Variants in CCDC93 observed in about 807,000 individuals in gnomAD.
CCDC93 encodes the protein CCC complex scaffolding subunit CCDC93.
CCDC93 carries 61 observed loss-of-function variants against 108.2 expected under a neutral mutation model. The observed-to-expected ratio is 0.56, with a 90% CI of 0.46 to 0.70. CCDC93 has a LOEUF of 0.70. CCDC93 is among the 30% of genes least tolerant of loss of function. CCDC93 has a pLI of 0.00. For missense variants in CCDC93, 685 were observed against 764.2 expected (o/e 0.90, Z 1.22); for synonymous variants, 276 against 260.4 (o/e 1.06, Z -0.58).
At chr2:117,971,336 C>A (rs889900) in intron 11 of CCDC93, among the ~76,000 whole-genome samples, 59,551 of 152,018 alleles carry the variant, frequency 0.39, 12,307 homozygotes, top group East Asian at 0.68. Context: ...GCACTCTTTG[C>A]CTGGGCAACA....
Position 117,995,674 on chromosome 2 carries a change from C to T in CCDC93, c.463-172G>A, listed in dbSNP as rs542241176. 251 of 597,644 alleles carry T rather than the reference C, an allele frequency of 4.2e-4. 1 individual carries two copies. Among genetic ancestry groups the T allele is most frequent in the African/African-American group, 4.2e-3 (224 of 53,838 alleles). 37.0% of individuals were successfully genotyped at this position (597,644 alleles called of 1,614,324 possible). Reference sequence around the variant, plus strand: ...TTCTCCATGGGAAAAGGCTACAAACCCTGCAGATGGCTCCAACATAGATCC... The same window carrying T: ...TTCTCCATGGGAAAAGGCTACAAACTCTGCAGATGGCTCCAACATAGATCC... On this transcript the variant is annotated intron_variant, in intron 5 of 23. Coordinates refer to ENST00000376300, the MANE Select transcript of CCDC93 (RefSeq NM_019044.5).
At position 117,946,804 on chromosome 2, in the gene CCDC93, C is replaced by G; in HGVS notation, c.1296+7G>C. ...GAGAGTCTCAAGGACTAATTCAGAG[C>G]CTTTACCTTTTCATCTCCACGTGGT... is the stretch of plus-strand genomic sequence containing the variant. On this transcript the variant is annotated splice_region_variant and intron_variant, in intron 16 of 23. Coordinates refer to ENST00000376300, the MANE Select transcript of CCDC93 (RefSeq NM_019044.5). 6.2e-7 allele frequency: 1 copy of G among 1,606,332 alleles called. No individual in the cohort carries two copies.
In CCDC93 at chr2:117,920,322, T is replaced by C. The variant is rs1677818288; in HGVS notation, c.*21A>G. 1.3e-6 allele frequency: 2 copies of C among 1,595,254 alleles called. No individual in the cohort carries two copies. Among genetic ancestry groups the C allele is most frequent in the African/African-American group, 1.3e-5 (1 of 74,560 alleles). ...GTGCTTAAAAGTAAAATCAATGACATACAGCCACGGCTGGGGATGTTCAGG... is the reference window on the plus strand; with the variant it reads ...GTGCTTAAAAGTAAAATCAATGACACACAGCCACGGCTGGGGATGTTCAGG... On this transcript the variant is annotated 3_prime_UTR_variant, in exon 24 of 24. Coordinates refer to ENST00000376300, the MANE Select transcript of CCDC93 (RefSeq NM_019044.5).
At chr2:117,983,308 T>C (rs1207836330) in intron 7 of CCDC93, among the ~76,000 whole-genome samples, 1 of 152,222 alleles carries the variant, frequency 6.6e-6, no homozygotes, top group Non-Finnish European at 1.5e-5. Flanking sequence ...TATAGGCATC[T>C]GGACATCACT....
chr2:117,954,018 C>A (rs556683517), intron 12 of CCDC93, among the ~76,000 whole-genome samples: 1 of 152,198 alleles, frequency 6.6e-6, no homozygotes, highest in African/African-American at 2.4e-5. Context: ...CGATCTTGGA[C>A]TTCCCAACCT....
intron 23 of CCDC93, among the ~76,000 whole-genome samples, chr2:117,923,495 C>A (rs553650495): frequency 2.6e-5 from 4 of 152,318 alleles, no homozygotes; most frequent in Admixed American, 2.6e-4. Context: ...GAGGATCCTA[C>A]GCCCATGGAG....
At chr2:117,930,833 T>G in intron 23 of CCDC93, 1 of 481,096 alleles carries the variant, frequency 2.1e-6, no homozygotes, top group Non-Finnish European at 3.7e-6. Context: ...CTTAAAACAT[T>G]TAATTAGACC....
At chr2:117,924,260 T>G (rs1315663351) in intron 23 of CCDC93, among the ~76,000 whole-genome samples, 1 of 151,966 alleles carries the variant, frequency 6.6e-6, no homozygotes, top group Non-Finnish European at 1.5e-5. Flanking sequence ...TCACCAGCAA[T>G]GGAACAAAGC....
At chr2:117,944,118 G>GA (rs1186530083) in intron 17 of CCDC93, 32 bp from the exon 18 acceptor site, 1 of 1,505,016 alleles carries the variant, frequency 6.6e-7, no homozygotes. Flanking sequence ...AATTATCTGG[G>GA]AATAGAAAAC....
intron 22 of CCDC93, among the ~76,000 whole-genome samples, chr2:117,933,374 C>A (rs900412930): frequency 6.6e-6 from 1 of 152,196 alleles, no homozygotes; most frequent in Non-Finnish European, 1.5e-5. Flanking sequence ...TGTCCCCTTA[C>A]TCAGACGTAC....
intron 12 of CCDC93, among the ~76,000 whole-genome samples, chr2:117,953,363 C>A (rs1255693305): frequency 6.6e-6 from 1 of 152,086 alleles, no homozygotes; most frequent in Non-Finnish European, 1.5e-5. Flanking sequence ...CCAACTCAAG[C>A]TGAGAGCAAT....
At chr2:117,926,633 T>C (rs1018952738) in intron 23 of CCDC93, among the ~76,000 whole-genome samples, 1 of 152,128 alleles carries the variant, frequency 6.6e-6, no homozygotes, top group African/African-American at 2.4e-5. Flanking sequence ...ATTAATAGCT[T>C]ACCAACCAAA....
chr2:117,945,272 C>T (rs1678830819), intron 17 of CCDC93, among the ~76,000 whole-genome samples: 1 of 152,196 alleles, frequency 6.6e-6, no homozygotes. Flanking sequence ...GCTGAGAAGC[C>T]AGCATGAAAA....
At chr2:117,958,915 T>C (rs754412998) in intron 11 of CCDC93, among the ~76,000 whole-genome samples, 13 of 152,262 alleles carry the variant, frequency 8.5e-5, no homozygotes, top group East Asian at 3.8e-4. Context: ...GCAGCACTTA[T>C]AATGAAGAGT....
At chr2:118,007,980 A>T (rs909157025) in intron 2 of CCDC93, among the ~76,000 whole-genome samples, 15 of 152,168 alleles carry the variant, frequency 9.9e-5, no homozygotes, top group Admixed American at 9.8e-4. Context: ...TATTCTGTGC[A>T]TGTTGATTCA....
chr2:117,995,667 T>C (rs947993354), intron 5 of CCDC93, 165 bp from the exon 6 acceptor site: 14 of 606,062 alleles, frequency 2.3e-5, no homozygotes, highest in African/African-American at 3.7e-5. Context: ...GGGAAAAGGC[T>C]ACAAACCCTG....
At chr2:117,978,714 T>C (rs555116702) in intron 7 of CCDC93, among the ~76,000 whole-genome samples, 1 of 152,318 alleles carries the variant, frequency 6.6e-6, no homozygotes, top group East Asian at 1.9e-4. Flanking sequence ...AAGAACAAAT[T>C]GAGCCAGGCG....
rs1258317135 is a variant in CCDC93, at chr2:118,008,677, C to T, written c.43-19G>A. ...TTTCCACCTAAAATAAAAGGTAAAACTTTGGCTGGTAAAAGATATGCTGAA... is the reference window on the plus strand; with the variant it reads ...TTTCCACCTAAAATAAAAGGTAAAATTTTGGCTGGTAAAAGATATGCTGAA... On this transcript the variant is annotated intron_variant, in intron 1 of 23. Coordinates refer to ENST00000376300, the MANE Select transcript of CCDC93 (RefSeq NM_019044.5). 1.3e-6 allele frequency: 2 copies of T among 1,530,504 alleles called. No homozygotes were observed. Among genetic ancestry groups the T allele is most frequent in the Non-Finnish European group, 1.8e-6 (2 of 1,106,164 alleles). 94.8% of individuals were successfully genotyped at this position (1,530,504 alleles called of 1,614,324 possible).
At chr2:117,975,336 A>G (rs1679908021) in intron 8 of CCDC93, 56 bp from the exon 9 acceptor site, 1 of 1,263,364 alleles carries the variant, frequency 7.9e-7, no homozygotes, top group African/African-American at 1.5e-5. Context: ...TCAGTAGAGA[A>G]AGGACAATAC....
Sources: gnomAD v4.1 joint callset for allele counts (sites outside exome capture counted in the v4.1 genomes callset) on GRCh38, gnomAD v4.1.1 for gene constraint, MANE v1.5 for transcripts, NCBI Gene and HGNC (gene_info 2026-07-23, HGNC 2026-07-21) for gene names.